OR4M1: variants seen among roughly 807,000 people sequenced by gnomAD.
OR4M1 encodes the protein olfactory receptor family 4 subfamily M member 1.
Under a neutral mutation model 9.8 loss-of-function variants are expected in OR4M1, and 7 were observed. That is an observed-to-expected ratio of 0.71 (90% CI 0.41 to 1.34). The LOEUF (loss-of-function observed/expected upper bound fraction) is 1.34. OR4M1 is among the 40% of genes most tolerant of loss of function. The pLI is 0.01. For synonymous variants in OR4M1, 121 were observed against 139.8 expected, an observed-to-expected ratio of 0.87 and a Z score of 0.95; for missense variants, 331 against 380.4, an observed-to-expected ratio of 0.87 and a Z score of 1.08.
Position 19,782,219 on chromosome 14 carries a change from G to A in OR4M1, c.*955G>A, listed in dbSNP as rs914451757. On this transcript the variant is annotated 3_prime_UTR_variant, in exon 2 of 2. Transcript: ENST00000641200. ...AGAGTTATTTCCCATTGAGAGACCT[G>A]GATGTGTTGGTTCCCATGATCCCTT... is the stretch of plus-strand genomic sequence containing the variant. 6.6e-6 allele frequency: 1 copy of A among 152,232 alleles called. No homozygotes were observed. Among genetic ancestry groups the A allele is most frequent in the African/African-American group, 2.4e-5 (1 of 41,450 alleles). The allele number at this position is 152,232 out of a possible 1,614,324, so 9.4% of individuals were successfully genotyped here.
rs769455497 is a variant in OR4M1, at chr14:19,780,617, G to T, written c.295G>T (p.Ala99Ser). The change falls in exon 2 of 2, where the codon GCA becomes TCA. Residue 99 changes from alanine to serine, a missense_variant. Transcript: ENST00000641200. The stretch of plus-strand genomic sequence containing the variant: ...GATAATTTCCTTTGGTGGATGCATT[G>T]CACAGCTCTTCTTCTTACACTTTGT... ...RKIISFGGCI[A>S]QLFFLHFVGA... 1 of 1,614,196 alleles carries T rather than the reference G, an allele frequency of 6.2e-7. No homozygotes were observed. The highest frequency in any genetic ancestry group is 8.5e-7 in the Non-Finnish European group (1 of 1,180,028).
At chr14:19,774,655 A>C (rs1199736735) in intron 1 of OR4M1, among the ~76,000 whole-genome samples, 1 of 152,272 alleles carries the variant, frequency 6.6e-6, no homozygotes, top group Non-Finnish European at 1.5e-5. Flanking sequence ...GGCATTTTAG[A>C]AAACAAGCTT....
At chr14:19,776,247 A>C (rs1319680350) in intron 1 of OR4M1, among the ~76,000 whole-genome samples, 1 of 152,236 alleles carries the variant, frequency 6.6e-6, no homozygotes, top group Non-Finnish European at 1.5e-5. Flanking sequence ...TTAGAGGTAG[A>C]ACATTTCTTA....
intron 1 of OR4M1, among the ~76,000 whole-genome samples, chr14:19,775,819 T>C (rs1424114367): frequency 6.7e-6 from 1 of 148,974 alleles, no homozygotes; most frequent in Non-Finnish European, 1.5e-5. Flanking sequence ...ATAATAATAA[T>C]AAAGTATATT....
At chr14:19,774,842 G>T (rs1395612163) in intron 1 of OR4M1, among the ~76,000 whole-genome samples, 2 of 152,198 alleles carry the variant, frequency 1.3e-5, no homozygotes, top group African/African-American at 2.4e-5. Flanking sequence ...TATGTGAGTT[G>T]CCCAGGATTA....
intron 1 of OR4M1, among the ~76,000 whole-genome samples, chr14:19,776,200 A>G (rs1372286281): frequency 6.6e-6 from 1 of 152,220 alleles, no homozygotes; most frequent in Non-Finnish European, 1.5e-5. Context: ...AATCATTCTT[A>G]ATTTACCTTT....
chr14:19,778,773 T>C (rs1878381861), intron 1 of OR4M1, among the ~76,000 whole-genome samples: 1 of 152,222 alleles, frequency 6.6e-6, no homozygotes, highest in Admixed American at 6.5e-5. Context: ...TCATTGTTTT[T>C]TGGAATCTTA....
rs1271637568 is a variant in OR4M1 at position 19,782,031 on chromosome 14, A to C, written c.*767A>C. On this transcript the variant is annotated 3_prime_UTR_variant, in exon 2 of 2. Transcript: ENST00000641200. ...CTTCAGAGTGAAAGCAGGCTTGGGG[A>C]GAAAGCTTCTAGGTTGACTGGAATT... The C allele has an allele frequency of 1.3e-5, 2 of 152,324 alleles. No individual in the cohort carries two copies. The highest frequency in any genetic ancestry group is 4.8e-5 in the African/African-American group (2 of 41,466). The allele number at this position is 152,324 out of a possible 1,614,324, so 9.4% of individuals were successfully genotyped here.
intron 1 of OR4M1, among the ~76,000 whole-genome samples, chr14:19,779,535 G>A (rs1210648810): frequency 5.9e-5 from 9 of 152,232 alleles, no homozygotes; most frequent in Non-Finnish European, 1.3e-4. Flanking sequence ...TGAAACAGCA[G>A]AGCGGATCAG....
intron 1 of OR4M1, among the ~76,000 whole-genome samples, chr14:19,774,380 C>T (rs571667031): frequency 6.6e-6 from 1 of 152,324 alleles, no homozygotes; most frequent in South Asian, 2.1e-4. Flanking sequence ...TCCCATCCAT[C>T]CATCCATCTA....
intron 1 of OR4M1, 105 bp downstream of exon 1, chr14:19,773,698 G>A (rs866267459): frequency 6.6e-5 from 10 of 152,484 alleles, no homozygotes; most frequent in African/African-American, 2.4e-4. Context: ...AGAGACCAGT[G>A]GTTAGAAACA....
In OR4M1 at chr14:19,781,545, A is replaced by T; in HGVS notation, c.*281A>T. 1 of 385,248 alleles carries T rather than the reference A, an allele frequency of 2.6e-6. No individual in the cohort carries two copies. The highest frequency in any genetic ancestry group is 4.6e-6 in the Non-Finnish European group (1 of 215,252). The allele number at this position is 385,248 out of a possible 1,614,324, so 23.9% of individuals were successfully genotyped here. On this transcript the variant is annotated 3_prime_UTR_variant, in exon 2 of 2. Coordinates refer to ENST00000641200, the MANE Select transcript of OR4M1 (RefSeq NM_001005500.2). ...CATTTTAACTAATTGTTTATTGAGTAACTACTCTGCAGAGGCTCTGGCTTT... is the reference window on the plus strand; with the variant it reads ...CATTTTAACTAATTGTTTATTGAGTTACTACTCTGCAGAGGCTCTGGCTTT...
Position 19,779,076 on chromosome 14 carries a change from C to T in OR4M1, c.-29-1218C>T, listed in dbSNP as rs533457258. On this transcript the variant is annotated intron_variant, in intron 1 of 1. Coordinates refer to ENST00000641200, the MANE Select transcript of OR4M1 (RefSeq NM_001005500.2). ...ATCCCTTCTTCAAAATACAATGCTT[C>T]TATAAGATACTGAAAGCCATTTATC... Among the ~76,000 whole-genome samples, 160 of 152,236 alleles carry T rather than the reference C, an allele frequency of 1.1e-3. 1 individual carries two copies. Among genetic ancestry groups the T allele is most frequent in the African/African-American group, 3.8e-3 (156 of 41,520 alleles).
In OR4M1 at chr14:19,781,107, G is replaced by T; in HGVS notation, c.785G>T (p.Arg262Leu). 1 of 1,614,110 alleles carries T rather than the reference G, an allele frequency of 6.2e-7. No homozygotes were observed. The highest frequency in any genetic ancestry group is 1.1e-5 in the South Asian group (1 of 91,080). ...GGGCCATCCATCTACATTTATGCTC[G>T]CCCATTTGACTCATTTTCCCTAGAT... ...MFGPSIYIYA[R>L]PFDSFSLDKV... Residue 262 changes from arginine to leucine, a missense_variant, in exon 2 of 2, where the codon CGC becomes CTC. Physicochemically the swap from Arg to Leu is moderately radical, Grantham distance 102. Coordinates refer to ENST00000641200, the MANE Select transcript of OR4M1 (RefSeq NM_001005500.2).
rs1434234631 is a variant in OR4M1 at position 19,783,088 on chromosome 14, A to G, written c.*1824A>G. The G allele has an allele frequency of 2.0e-5, 3 of 152,314 alleles. No homozygotes were observed. Among genetic ancestry groups the G allele is most frequent in the African/African-American group, 7.2e-5 (3 of 41,484 alleles). The allele number at this position is 152,314 out of a possible 1,614,324, so 9.4% of individuals were successfully genotyped here. A position where few individuals can be genotyped will look rare whatever the true frequency, so the allele number is the denominator to read the frequency against. On this transcript the variant is annotated 3_prime_UTR_variant, in exon 2 of 2. Transcript: ENST00000641200. ...TACTGAAAATACTGAAGCTAGTAAT[A>G]CAAAGGAAAAAGGCATAAAAACAGT...
Position 19,780,984 on chromosome 14 carries a change from T to A in OR4M1, c.662T>A (p.Leu221His). Residue 221 changes from leucine (L) to histidine (H), a missense_variant, in exon 2 of 2, where the codon CTT becomes CAT. Physicochemically the swap from Leu to His is moderately conservative, Grantham distance 99. Around this residue, in one of 2 missense-constraint regions of OR4M1, gnomAD observed 122 missense variants for 180.5 expected, o/e 0.68. Transcript: ENST00000641200. ...GCTCTGTTAATGTCCTATGCCTTCC[T>A]TCTGGCCTTGCTCAAGAAACATTCA... ...FIALLMSYAF[L>H]LALLKKHSGS... 6.2e-7 allele frequency: 1 copy of A among 1,614,248 alleles called. No individual in the cohort carries two copies.
chr14:19,778,996 C>G (rs558663691), intron 1 of OR4M1, among the ~76,000 whole-genome samples: 202 of 152,250 alleles, frequency 1.3e-3, no homozygotes, highest in Middle Eastern at 3.4e-3. Flanking sequence ...CACTTGCTAC[C>G]AGATTCCTGG....
chr14:19,779,587 T>G (rs1172810672), intron 1 of OR4M1, among the ~76,000 whole-genome samples: 4 of 152,220 alleles, frequency 2.6e-5, no homozygotes, highest in Admixed American at 6.5e-5. Context: ...ATTTCCCAGA[T>G]CACTACACCT....
At chr14:19,779,001 T>G (rs1420738922) in intron 1 of OR4M1, among the ~76,000 whole-genome samples, 2 of 152,216 alleles carry the variant, frequency 1.3e-5, no homozygotes, top group Admixed American at 1.3e-4. Context: ...GCTACCAGAT[T>G]CCTGGAAAAC....
Sources: gnomAD v4.1 joint callset for allele counts (sites outside exome capture counted in the v4.1 genomes callset) on GRCh38, gnomAD v4.1.1 for gene constraint, gnomAD v4.1.1 regional missense constraint, MANE v1.5 for transcripts, NCBI Gene and HGNC (gene_info 2026-07-23, HGNC 2026-07-21) for gene names.